Variants in ZNF107 observed in about 807,000 individuals in gnomAD.
ZNF107 encodes zinc finger protein 107.
A neutral mutation model predicts 12.3 loss-of-function variants in ZNF107; 19 were observed. The observed-to-expected ratio is 1.55, with a 90% confidence interval of 1.08 to 2.27. The LOEUF is 2.27. Among genes scored for constraint, ZNF107 ranks in the 30% most tolerant of loss-of-function variants. ZNF107 has a pLI of 0.00. For synonymous variants in ZNF107, 317 were observed against 330.5 expected, an observed-to-expected ratio of 0.96 and a Z score of 0.44; for missense variants, 958 against 979.9, an observed-to-expected ratio of 0.98 and a Z score of 0.30.
chr7:64,667,116 A>G (rs1789035248), intron 1 of ZNF107, among the ~76,000 whole-genome samples: 1 of 152,220 alleles, frequency 6.6e-6, no homozygotes, highest in African/African-American at 2.4e-5. Flanking sequence ...CACAGGGGAC[A>G]GATTTTCCCC....
chr7:64,686,416 A>G, intron 1 of ZNF107: 2 of 595,574 alleles, frequency 3.4e-6, no homozygotes, highest in Non-Finnish European at 4.2e-6. Flanking sequence ...GACAAATGCT[A>G]CTCCTAACTG....
Position 64,709,847 on chromosome 7 carries a change from A to G in ZNF107, c.*1191A>G. 2.4e-6 allele frequency: 1 copy of G among 420,112 alleles called. No homozygotes were observed. The highest frequency in any genetic ancestry group is 4.7e-6 in the Non-Finnish European group (1 of 213,380). 26.0% of individuals were successfully genotyped at this position (420,112 alleles called of 1,614,324 possible). A position where few individuals can be genotyped will look rare whatever the true frequency, so the allele number is the denominator to read the frequency against. ...GCCTTTAAAGTGAAGAAGAGGAGCC[A>G]GTTGTGCTGGCTCACATCTGTAATG... On this transcript the variant is annotated 3_prime_UTR_variant, in exon 4 of 4. Coordinates refer to ENST00000620827, the MANE Select transcript of ZNF107 (RefSeq NM_001282359.2).
At chr7:64,692,416 A>G (rs1210539607) in intron 3 of ZNF107, among the ~76,000 whole-genome samples, 1 of 152,124 alleles carries the variant, frequency 6.6e-6, no homozygotes, top group Non-Finnish European at 1.5e-5. Flanking sequence ...TGTTATTACT[A>G]TAGTCTTGAA....
intron 1 of ZNF107, among the ~76,000 whole-genome samples, chr7:64,672,932 C>T (rs933581251): frequency 2.6e-5 from 4 of 152,212 alleles, no homozygotes; most frequent in African/African-American, 9.7e-5. Context: ...TCCCTTTTCC[C>T]TTCAACCTTG....
At chr7:64,687,308 TAAA>T in intron 1 of ZNF107, 1 of 985,510 alleles carries the variant, frequency 1.0e-6, no homozygotes, top group South Asian at 4.7e-5. Context: ...CCATTACAAA[TAAA>T]AAACTGAGGC....
In ZNF107 at chr7:64,708,122, A is replaced by C. The variant is rs554630224; in HGVS notation, c.2025A>C (p.Lys675Asn). 1.4e-4 allele frequency: 220 copies of C among 1,612,522 alleles called. 2 individuals carry two copies. The South Asian group carries it at 2.3e-3, about 17-fold the overall frequency. Residue 675 changes from lysine to asparagine, a missense_variant, in exon 4 of 4, where the codon AAA becomes AAC. Coordinates refer to ENST00000620827, the MANE Select transcript of ZNF107 (RefSeq NM_001282359.2). ...ATAAGATAATTTATACTGGAGAGAA[A>C]CCCCACAAATGTGAAGAATGTGGAA... is the stretch of plus-strand genomic sequence containing the variant. ...TNHKIIYTGE[K>N]PHKCEECGKA...
In ZNF107 at chr7:64,670,309, T is replaced by C. The variant is rs568795286; in HGVS notation, c.3+4024T>C. ...TTTTTTAGGGAGGAGCAAAGAAGGT[T>C]AGAAAGAAGGTCACAGGGGAATGGC... On this transcript the variant is annotated intron_variant, in intron 1 of 3. Coordinates refer to ENST00000620827, the MANE Select transcript of ZNF107 (RefSeq NM_001282359.2). Among the ~76,000 whole-genome samples, 3 of 151,986 alleles carry C rather than the reference T, an allele frequency of 2.0e-5. No individual in the cohort carries two copies. The East Asian group carries it at 5.8e-4, about 30-fold the overall frequency.
intron 3 of ZNF107, among the ~76,000 whole-genome samples, chr7:64,692,595 A>G (rs1182340601): frequency 1.3e-5 from 2 of 152,264 alleles, no homozygotes; most frequent in Admixed American, 6.5e-5. Context: ...TATTGAATCT[A>G]TAGATCACTT....
In ZNF107 at chr7:64,700,535, T is replaced by TTTG. The variant is rs71055267; in HGVS notation, c.227-5789_227-5788insTTG. The stretch of plus-strand genomic sequence containing the variant: ...TTTTTTTTTTTTTTTTTTTTTTTTT[T>TTTG]GAGACTGAGTCTTCCTCTGTTGCCC... On this transcript the variant is annotated intron_variant, in intron 3 of 3. Transcript: ENST00000620827. 1.3e-4 allele frequency among the ~76,000 whole-genome samples: 4 copies of TTTG among 30,500 alleles called. 1 individual carries two copies. The highest frequency in any genetic ancestry group is 1.4e-3 in the South Asian group (1 of 730). The allele number at this position is 30,500 out of a possible 152,430, so 20.0% of individuals were successfully genotyped here. A position where few individuals can be genotyped will look rare whatever the true frequency, so the allele number is the denominator to read the frequency against.
intron 3 of ZNF107, among the ~76,000 whole-genome samples, chr7:64,700,398 T>C (rs1305413850): frequency 6.6e-6 from 1 of 152,200 alleles, no homozygotes; most frequent in East Asian, 1.9e-4. Flanking sequence ...TGTTCAGTTA[T>C]TCTTTGCCTT....
intron 3 of ZNF107, among the ~76,000 whole-genome samples, chr7:64,698,256 T>G (rs1790360372): frequency 6.6e-6 from 1 of 151,690 alleles, no homozygotes; most frequent in South Asian, 2.1e-4. Context: ...CTAAATGAAG[T>G]AATTCAACTT....
chr7:64,689,864 C>T (rs756568068), intron 1 of ZNF107: 2 of 152,204 alleles, frequency 1.3e-5, no homozygotes, highest in East Asian at 1.9e-4. Flanking sequence ...TCCCCTCATA[C>T]AAGAGATGTC....
rs1400510511 is a variant in ZNF107, at chr7:64,691,402, C to A, written c.130+28C>A. On this transcript the variant is annotated intron_variant, in intron 2 of 3. Coordinates refer to ENST00000620827, the MANE Select transcript of ZNF107 (RefSeq NM_001282359.2). ...GAGGATAACTTCAATACACAATTCC[C>A]AAAATACCCTTAAAGTTTTATTTCT... 5.7e-6 allele frequency: 8 copies of A among 1,398,098 alleles called. No individual in the cohort carries two copies. In the African/African-American group the frequency reaches 1.2e-4, roughly 21 times the overall value. 86.6% of individuals were successfully genotyped at this position (1,398,098 alleles called of 1,614,324 possible).
chr7:64,706,863 C>G lies in ZNF107; in HGVS notation c.766C>G (p.Pro256Ala), dbSNP rs1476289454. The change falls in exon 4 of 4, where the codon CCC (proline) becomes GCC (alanine). Residue 256 changes from proline (P) to alanine (A), a missense_variant. Transcript: ENST00000620827. The stretch of plus-strand genomic sequence containing the variant: ...TAAGATAATTCATACTGAAGAGAAA[C>G]CCAACAAATGTGAAGAATGTGGCAA... ...RHKIIHTEEK[P>A]NKCEECGKAF... is the part of the protein sequence containing the mutation. 6.2e-7 allele frequency: 1 copy of G among 1,613,370 alleles called. No homozygotes were observed. Among genetic ancestry groups the G allele is most frequent in the Non-Finnish European group, 8.5e-7 (1 of 1,179,714 alleles).
In ZNF107 at chr7:64,706,498, A is replaced by C. The variant is rs778900804; in HGVS notation, c.401A>C (p.Asn134Thr). ...TGHKGGHNTVNQCLTATPSKI... is the reference protein window; with the variant it reads ...TGHKGGHNTVTQCLTATPSKI... Reference sequence around the variant, plus strand: ...CACAAAGGAGGTCATAATACAGTTAACCAATGTTTGACAGCTACCCCAAGC... The same window carrying C: ...CACAAAGGAGGTCATAATACAGTTACCCAATGTTTGACAGCTACCCCAAGC... The change falls in exon 4 of 4, where the codon AAC becomes ACC. Residue 134 changes from asparagine (N) to threonine (T), a missense_variant. By Grantham distance (65) the Asn-to-Thr change is moderately conservative (BLOSUM62 0). Coordinates refer to ENST00000620827, the MANE Select transcript of ZNF107 (RefSeq NM_001282359.2). The C allele has an allele frequency of 1.2e-6, 2 of 1,612,176 alleles. No individual in the cohort carries two copies. Among genetic ancestry groups the C allele is most frequent in the East Asian group, 4.5e-5 (2 of 44,814 alleles).
rs372071331 is a variant in ZNF107, at chr7:64,707,839, C to T, written c.1742C>T (p.Thr581Ile). The change falls in exon 4 of 4, where the codon ACT (threonine) becomes ATT (isoleucine). Residue 581 changes from threonine (T) to isoleucine (I), a missense_variant. Physicochemically the swap from Thr to Ile is moderately conservative, Grantham distance 89. Transcript: ENST00000620827. ...GKAFNQSYQL[T>I]RHKIVHTKEK... Reference sequence around the variant, plus strand: ...GCCTTTAATCAATCCTATCAACTTACTAGACATAAGATAGTTCATACTAAA... The same window carrying T: ...GCCTTTAATCAATCCTATCAACTTATTAGACATAAGATAGTTCATACTAAA... The T allele has an allele frequency of 4.3e-6, 7 of 1,612,578 alleles. No individual in the cohort carries two copies. The South Asian group carries it at 5.5e-5, about 13-fold the overall frequency.
chr7:64,691,350 A>T lies in ZNF107; in HGVS notation c.106A>T (p.Asn36Tyr), dbSNP rs1790112099. 5.3e-6 allele frequency: 8 copies of T among 1,511,888 alleles called. No individual in the cohort carries two copies. The highest frequency in any genetic ancestry group is 7.1e-6 in the Non-Finnish European group (8 of 1,132,252). The allele number at this position is 1,511,888 out of a possible 1,614,324, so 93.7% of individuals were successfully genotyped here. A position where few individuals can be genotyped will look rare whatever the true frequency, so the allele number is the denominator to read the frequency against. ...TTTATATAGGAATGTGTTGTTAGAG[A>T]ACTACAGAAACCTGGTCTTTTTGGG... is the stretch of plus-strand genomic sequence containing the variant. ...RDLYRNVLLE[N>Y]YRNLVFLGIA... Residue 36 changes from asparagine (N) to tyrosine (Y), a missense_variant, in exon 2 of 4, where the codon AAC becomes TAC. Asn to Tyr is a moderately radical substitution (Grantham distance 143). Transcript: ENST00000620827.
intron 2 of ZNF107, 50 bp from the exon 3 acceptor site, chr7:64,691,815 T>C (rs982455381): frequency 9.1e-7 from 1 of 1,102,368 alleles, no homozygotes; most frequent in Non-Finnish European, 1.2e-6. Context: ...GATTAGTAAT[T>C]GGAGAATATG....
intron 1 of ZNF107, among the ~76,000 whole-genome samples, chr7:64,685,929 A>G (rs1789889009): frequency 6.6e-6 from 1 of 152,156 alleles, no homozygotes; most frequent in African/African-American, 2.4e-5. Context: ...TTATAGGACT[A>G]GGAGTTACCA....
Sources: gnomAD v4.1 joint callset for allele counts (sites outside exome capture counted in the v4.1 genomes callset) on GRCh38, gnomAD v4.1.1 for gene constraint, MANE v1.5 for transcripts, NCBI Gene and HGNC (gene_info 2026-07-23, HGNC 2026-07-21) for gene names.